Variants in LHFPL2 observed in about 807,000 individuals in gnomAD.
The protein encoded by LHFPL2 is LHFPL tetraspan subfamily member 2 protein.
LHFPL2 carries 7 observed loss-of-function variants against 17.5 expected under a neutral mutation model. The observed-to-expected ratio is 0.40, with a 90% CI of 0.23 to 0.75. The LOEUF is 0.75. LHFPL2 is among the 30% of genes least tolerant of loss of function. The probability of loss-of-function intolerance (pLI) is 0.37; values close to 1 mark genes in which losing one functional copy is unlikely to be tolerated. For synonymous variants in LHFPL2, 134 were observed against 116.2 expected (o/e 1.15, Z -0.99); for missense variants, 241 against 294.8 (o/e 0.82, Z 1.34).
intron 1 of LHFPL2, among the ~76,000 whole-genome samples, chr5:78,634,530 A>G (rs1745364274): frequency 6.6e-6 from 1 of 152,202 alleles, no homozygotes; most frequent in East Asian, 1.9e-4. Context: ...CCATGGCCAA[A>G]CACACCGCCA....
rs558421720 is a variant in LHFPL2 at position 78,518,403 on chromosome 5, T to C, written c.-185-8005A>G. Among the ~76,000 whole-genome samples the C allele has an allele frequency of 1.1e-4, 17 of 152,346 alleles. No homozygotes were observed. The East Asian group carries it at 3.3e-3, about 29-fold the overall frequency. On this transcript the variant is annotated intron_variant, in intron 3 of 4. Transcript: ENST00000380345. The stretch of plus-strand genomic sequence containing the variant: ...GTTTTCCAACTTTCCCTAGTGAGAA[T>C]GCCACATTCAAAACTGTAGAAAGGT...
At chr5:78,549,777 C>A (rs1678031591) in intron 3 of LHFPL2, among the ~76,000 whole-genome samples, 1 of 152,166 alleles carries the variant, frequency 6.6e-6, no homozygotes, top group South Asian at 2.1e-4. Context: ...ATACATGTCC[C>A]ATAAATGTTG....
At chr5:78,534,925 C>T (rs1755901250) in intron 3 of LHFPL2, among the ~76,000 whole-genome samples, 1 of 152,206 alleles carries the variant, frequency 6.6e-6, no homozygotes, top group Admixed American at 6.5e-5. Flanking sequence ...TTCAGCTTTG[C>T]AGATCTTAGA....
At chr5:78,628,327 CTT>C (rs1411805072) in intron 2 of LHFPL2, among the ~76,000 whole-genome samples, 1 of 152,210 alleles carries the variant, frequency 6.6e-6, no homozygotes, top group African/African-American at 2.4e-5. Context: ...AATTCTCTCT[CTT>C]TTAAACGGAT....
chr5:78,497,190 G>A (rs768445982), intron 4 of LHFPL2, among the ~76,000 whole-genome samples: 61 of 152,182 alleles, frequency 4.0e-4, no homozygotes, highest in African/African-American at 1.3e-3. Context: ...TTACTCTATC[G>A]GCAAAGCCTG....
chr5:78,565,066 C>A (rs1756823970), intron 2 of LHFPL2, among the ~76,000 whole-genome samples, 195 bp from the exon 3 acceptor site: 2 of 152,166 alleles, frequency 1.3e-5, no homozygotes, highest in Admixed American at 6.5e-5. Context: ...GGGTCCAAAC[C>A]ACTGATGAAC....
intron 2 of LHFPL2, among the ~76,000 whole-genome samples, chr5:78,585,786 C>T (rs553223378): frequency 2.3e-4 from 35 of 152,274 alleles, no homozygotes; most frequent in Admixed American, 1.4e-3. Context: ...TCATGAAAAA[C>T]TCACAACAAT....
At chr5:78,636,016 ACACG>A (rs1580879982) in intron 1 of LHFPL2, among the ~76,000 whole-genome samples, 1 of 151,860 alleles carries the variant, frequency 6.6e-6, no homozygotes, top group Non-Finnish European at 1.5e-5. Flanking sequence ...ACACACACAC[ACACG>A]CGCACACAAA....
intron 1 of LHFPL2, among the ~76,000 whole-genome samples, chr5:78,632,773 G>A (rs1339440250): frequency 6.6e-6 from 1 of 152,202 alleles, no homozygotes; most frequent in Non-Finnish European, 1.5e-5. Flanking sequence ...TGATGCAGCT[G>A]ATAGGAGCTG....
intron 3 of LHFPL2, among the ~76,000 whole-genome samples, chr5:78,537,316 C>T (rs1301755022): frequency 1.3e-5 from 2 of 152,152 alleles, no homozygotes; most frequent in African/African-American, 2.4e-5. Flanking sequence ...CCTTGACCTG[C>T]CAAGGTGATG....
intron 2 of LHFPL2, among the ~76,000 whole-genome samples, chr5:78,610,053 C>G (rs1222716382): frequency 6.6e-6 from 1 of 152,104 alleles, no homozygotes; most frequent in African/African-American, 2.4e-5. Context: ...ACCTAGCCTG[C>G]CAGGGGACTA....
chr5:78,500,829 T>TCA, intron 4 of LHFPL2, among the ~76,000 whole-genome samples: 1 of 152,158 alleles, frequency 6.6e-6, no homozygotes, highest in Non-Finnish European at 1.5e-5. Context: ...CTGAAGTGAT[T>TCA]CTTCAGATGA....
At chr5:78,594,034 C>T (rs924411828) in intron 2 of LHFPL2, among the ~76,000 whole-genome samples, 28 of 152,220 alleles carry the variant, frequency 1.8e-4, no homozygotes, top group African/African-American at 6.8e-4. Context: ...ATTTAAGCCT[C>T]ACCAGCCCAG....
chr5:78,606,139 C>A (rs1051230593), intron 2 of LHFPL2, among the ~76,000 whole-genome samples: 16 of 152,176 alleles, frequency 1.1e-4, no homozygotes, highest in African/African-American at 3.6e-4. Flanking sequence ...TTGAGGGGAA[C>A]AAAACTTAAC....
At chr5:78,593,785 C>G (rs1360329272) in intron 2 of LHFPL2, among the ~76,000 whole-genome samples, 1 of 152,084 alleles carries the variant, frequency 6.6e-6, no homozygotes, top group African/African-American at 2.4e-5. Context: ...CAAGGCTGGA[C>G]CAATTGTCTA....
intron 2 of LHFPL2, chr5:78,590,201 G>GAACAACAACAACAACAACAAC (rs3068896): frequency 2.7e-5 from 4 of 150,580 alleles, no homozygotes; most frequent in African/African-American, 9.8e-5. Flanking sequence ...ACCTAGCCAG[G>GAACAACAACAACAACAACAAC]AACAACAACA....
rs372496814 is a variant in LHFPL2 at position 78,646,883 on chromosome 5, A to G, written c.-350+1616T>C. 1.1e-3 allele frequency among the ~76,000 whole-genome samples: 173 copies of G among 152,252 alleles called. 2 individuals carry two copies. The highest frequency in any genetic ancestry group is 3.4e-3 in the Middle Eastern group (1 of 294). On this transcript the variant is annotated intron_variant, in intron 1 of 4. Transcript: ENST00000380345. Reference sequence around the variant, plus strand: ...ATCATGACTCAATTTATATTCAACAATGTTCATTTGCAGTGTAATTATTCT... The same window carrying G: ...ATCATGACTCAATTTATATTCAACAGTGTTCATTTGCAGTGTAATTATTCT...
At chr5:78,511,501 C>T (rs1293119232) in intron 3 of LHFPL2, among the ~76,000 whole-genome samples, 1 of 152,240 alleles carries the variant, frequency 6.6e-6, no homozygotes, top group Non-Finnish European at 1.5e-5. Context: ...AATCACATAG[C>T]TCACATCTGG....
intron 4 of LHFPL2, among the ~76,000 whole-genome samples, chr5:78,490,570 G>A (rs1754405847): frequency 1.4e-5 from 2 of 140,012 alleles, no homozygotes. Context: ...GGCCAACATG[G>A]TGAAACCCCG....
Sources: gnomAD v4.1 joint callset for allele counts (sites outside exome capture counted in the v4.1 genomes callset) on GRCh38, gnomAD v4.1.1 for gene constraint, MANE v1.5 for transcripts, NCBI Gene and HGNC (gene_info 2026-07-23, HGNC 2026-07-21) for gene names.